Variants in KANK2 observed in about 807,000 individuals in gnomAD.
KANK2 encodes KN motif and ankyrin repeat domains 2, also known as KN motif and ankyrin repeat domain-containing protein 2.
A neutral mutation model predicts 74.6 loss-of-function variants in KANK2; 41 were observed. That is an observed-to-expected ratio of 0.55 (90% confidence interval 0.43 to 0.71). The LOEUF (loss-of-function observed/expected upper bound fraction) is 0.71. KANK2 is among the 30% of genes least tolerant of loss of function. The pLI, the probability that KANK2 is intolerant of heterozygous loss-of-function variation, is 0.00. For missense variants in KANK2, 1,148 were observed against 1,196.4 expected (o/e 0.96, Z 0.60); for synonymous variants, 537 against 519.0 (o/e 1.03, Z -0.47).
chr19:11,184,886 AC>A (rs1303570007), intron 4 of KANK2, among the ~76,000 whole-genome samples: 1 of 144,948 alleles, frequency 6.9e-6, no homozygotes, highest in Non-Finnish European at 1.5e-5. Context: ...ATCTCAGCTC[AC>A]TAGCAACCTC....
At chr19:11,169,207 G>A (rs1428793202) in intron 12 of KANK2, among the ~76,000 whole-genome samples, 1 of 152,106 alleles carries the variant, frequency 6.6e-6, no homozygotes, top group African/African-American at 2.4e-5. Flanking sequence ...GCATGGTGGT[G>A]TGCACCTGTA....
chr19:11,172,491 C>A (rs574989345), intron 10 of KANK2, among the ~76,000 whole-genome samples: 8 of 152,208 alleles, frequency 5.3e-5, no homozygotes, highest in African/African-American at 1.7e-4. Context: ...TGTTCATAAG[C>A]CCCAGTCACC....
chr19:11,188,134 G>A (rs1464894603), intron 4 of KANK2, among the ~76,000 whole-genome samples: 1 of 152,198 alleles, frequency 6.6e-6, no homozygotes, highest in East Asian at 1.9e-4. Flanking sequence ...GGTCTGCACA[G>A]GCTAACGTGG....
Position 11,194,001 on chromosome 19 carries a change from C to G in KANK2, c.79G>C (p.Asp27His). The G allele has an allele frequency of 6.2e-7, 1 of 1,612,360 alleles. No homozygotes were observed. The highest frequency in any genetic ancestry group is 8.5e-7 in the Non-Finnish European group (1 of 1,178,942). ...TCCACGGAGTAGGGTGGATCGGGGT[C>G]CTTGGCAGGGAAGGCAGGTGGGGAG... ...PASPPAFPAK[D>H]PDPPYSVETP... The change falls in exon 4 of 13, where the codon GAC becomes CAC. Residue 27 changes from aspartate to histidine, a missense_variant. Physicochemically the swap from Asp to His is moderately conservative, Grantham distance 81 (BLOSUM62 -1). Transcript: ENST00000586659.
rs2078422977 is a variant in KANK2, at chr19:11,178,666, G to A, written c.1304C>T (p.Ala435Val). The change falls in exon 5 of 13, where the codon GCC becomes GTC. Residue 435 changes from alanine to valine, a missense_variant. Transcript: ENST00000586659. ...SSSSPPGSEV[A>V]SLTQPEKSTG... is the part of the protein sequence containing the mutation. ...GCTCTTCTCAGGCTGTGTAAGGGAG[G>A]CTACCTCGGACCCCGGGGGTGACGA... 2 of 1,557,304 alleles carry A rather than the reference G, an allele frequency of 1.3e-6. No homozygotes were observed. Among genetic ancestry groups the A allele is most frequent in the Non-Finnish European group, 1.7e-6 (2 of 1,157,910 alleles).
chr19:11,194,312 C>G (rs2078953456), intron 3 of KANK2, among the ~76,000 whole-genome samples, 163 bp downstream of exon 3: 1 of 152,078 alleles, frequency 6.6e-6, no homozygotes, highest in Non-Finnish European at 1.5e-5. Context: ...ACTCTGCCTC[C>G]CCCTTCAGAC....
Position 11,178,621 on chromosome 19 carries a change from T to C in KANK2, c.1349A>G (p.Gln450Arg). 1 of 1,598,706 alleles carries C rather than the reference T, an allele frequency of 6.3e-7. No homozygotes were observed. The highest frequency in any genetic ancestry group is 8.5e-7 in the Non-Finnish European group (1 of 1,174,272). The change falls in exon 5 of 13, where the codon CAG becomes CGG. Residue 450 changes from glutamine to arginine, a missense_variant. Gln to Arg is a conservative substitution (Grantham distance 43). Coordinates refer to ENST00000586659, the MANE Select transcript of KANK2 (RefSeq NM_001136191.3). ...GGTGGGCTCCCTGTGGGTGGGCTCC[T>C]GGGTGGGCACTCGGCCTGTGCTCTT... ...PEKSTGRVPT[Q>R]EPTHREPTRQ... is the part of the protein sequence containing the mutation.
intron 4 of KANK2, among the ~76,000 whole-genome samples, chr19:11,185,515 A>C (rs567966733): frequency 6.7e-6 from 1 of 149,830 alleles, no homozygotes; most frequent in South Asian, 2.1e-4. Flanking sequence ...AACCATTAAA[A>C]AAAAACGTAA....
intron 4 of KANK2, among the ~76,000 whole-genome samples, chr19:11,185,866 C>T (rs995794072): frequency 6.6e-6 from 1 of 152,044 alleles, no homozygotes; most frequent in Non-Finnish European, 1.5e-5. Flanking sequence ...GAGCAAGACC[C>T]CATCTCTACA....
chr19:11,171,020 C>T (rs1399373940), intron 10 of KANK2, among the ~76,000 whole-genome samples: 1 of 152,156 alleles, frequency 6.6e-6, no homozygotes, highest in Non-Finnish European at 1.5e-5. Flanking sequence ...CAGAGTTTCA[C>T]CATGTTGGCC....
chr19:11,173,531 T>C (rs1465177394), intron 9 of KANK2, among the ~76,000 whole-genome samples: 2 of 152,162 alleles, frequency 1.3e-5, no homozygotes, highest in Admixed American at 1.3e-4. Flanking sequence ...GAGGACCACG[T>C]CTTCTTTCCA....
chr19:11,179,219 G>A (rs1234819789), intron 4 of KANK2, among the ~76,000 whole-genome samples: 2 of 151,884 alleles, frequency 1.3e-5, no homozygotes, highest in Non-Finnish European at 2.9e-5. Context: ...AGGATGCTGA[G>A]GCAGGAGAAT....
At chr19:11,194,168 G>T (rs1013574803) in intron 3 of KANK2, 126 bp from the exon 4 acceptor site, 2 of 1,042,962 alleles carry the variant, frequency 1.9e-6, no homozygotes, top group Non-Finnish European at 2.7e-6. Context: ...GTACTCAACC[G>T]CGTCTGCTCT....
Position 11,170,181 on chromosome 19 carries a change from G to A in KANK2, c.2279C>T (p.Ala760Val). ...TTGCACGTTGACATCTGCCTCACAG[G>A]CCAGCAGGGCTTTGACAACGTCCAC... is the stretch of plus-strand genomic sequence containing the variant. ...GRVDVVKALL[A>V]CEADVNVQDD... Residue 760 changes from alanine (A) to valine (V), a missense_variant, in exon 11 of 13, where the codon GCC becomes GTC. By Grantham distance (64) the Ala-to-Val change is moderately conservative. Coordinates refer to ENST00000586659, the MANE Select transcript of KANK2 (RefSeq NM_001136191.3). The surrounding 1 kb of genome is among the most constrained non-coding windows in gnomAD (Gnocchi z 5.2). 6.2e-7 allele frequency: 1 copy of A among 1,611,932 alleles called. No individual in the cohort carries two copies. Among genetic ancestry groups the A allele is most frequent in the Non-Finnish European group, 8.5e-7 (1 of 1,180,022 alleles).
rs772917408 is a variant in KANK2, at chr19:11,193,571, C to T, written c.509G>A (p.Arg170Gln). ...VGVGLPPPTP[R>Q]SSGLSTPVPP... ...CACCGGTGTGGACAGTCCTGAACTC[C>T]GTGGTGTCGGGGGTGGCAACCCCAC... is the stretch of plus-strand genomic sequence containing the variant. The change falls in exon 4 of 13, where the codon CGG (arginine) becomes CAG (glutamine). Residue 170 changes from arginine to glutamine, a missense_variant. Physicochemically the swap from Arg to Gln is conservative, Grantham distance 43. Transcript: ENST00000586659. This position sits in a 1 kb window ranked among gnomAD's most constrained non-coding sequence, Gnocchi z 9.6. 38 of 1,591,134 alleles carry T rather than the reference C, an allele frequency of 2.4e-5. No homozygotes were observed. The highest frequency in any genetic ancestry group is 4.5e-5 in the South Asian group (4 of 89,836).
At chr19:11,190,146 C>CT (rs60139824) in intron 4 of KANK2, among the ~76,000 whole-genome samples, 151,464 of 151,560 alleles carry the variant, frequency 1, 75,684 homozygotes, top group Middle Eastern at 1. Context: ...CTTTTCTTTT[C>CT]TTTTTTTTGA....
chr19:11,180,733 T>C (rs892652070), intron 4 of KANK2, among the ~76,000 whole-genome samples: 3 of 152,114 alleles, frequency 2.0e-5, no homozygotes, highest in Non-Finnish European at 2.9e-5. Flanking sequence ...ACATACTGCA[T>C]GGCCAGGAGA....
chr19:11,168,608 A>G (rs897235036), intron 12 of KANK2, among the ~76,000 whole-genome samples: 1 of 152,132 alleles, frequency 6.6e-6, no homozygotes, highest in Admixed American at 6.6e-5. Flanking sequence ...TGCTCACTCC[A>G]TAAGGGTGGA....
At chr19:11,189,340 TAG>T in intron 4 of KANK2, among the ~76,000 whole-genome samples, 1 of 152,038 alleles carries the variant, frequency 6.6e-6, no homozygotes, top group East Asian at 1.9e-4. Flanking sequence ...AACTGAGGCA[TAG>T]AGAGATTTCA....
Sources: allele counts gnomAD v4.1 joint callset (sites outside exome capture counted in the v4.1 genomes callset), GRCh38; gene constraint gnomAD v4.1.1; non-coding constraint Gnocchi (gnomAD v3.1); transcripts MANE v1.5; gene names NCBI Gene and HGNC (gene_info 2026-07-23, HGNC 2026-07-21).